Variants in RASSF8 observed in about 807,000 individuals in gnomAD.
The protein encoded by RASSF8 is ras association domain-containing protein 8.
In RASSF8, 22 loss-of-function variants were observed where a neutral mutation model predicts 48.5. The ratio of observed to expected loss-of-function variants is 0.45; its 90% CI spans 0.32 to 0.65. The LOEUF (loss-of-function observed/expected upper bound fraction) is 0.65. Among genes scored for constraint, RASSF8 ranks in the 30% least tolerant of loss-of-function variants. The pLI is 0.03. For synonymous variants in RASSF8, 127 were observed against 171.5 expected (o/e 0.74, Z 2.03); for missense variants, 418 against 489.2 (o/e 0.85, Z 1.37).
chr12:26,040,765 T>A lies in RASSF8; in HGVS notation c.-108-14471T>A, dbSNP rs150739511. The stretch of plus-strand genomic sequence containing the variant: ...TTCTTGAACTGTGGCTTTTTCCTGT[T>A]TTCTGGGCATTGAATATATTCATAT... On this transcript the variant is annotated intron_variant, in intron 2 of 5. Coordinates refer to ENST00000689635, the MANE Select transcript of RASSF8 (RefSeq NM_001394098.1). Among the ~76,000 whole-genome samples the A allele has an allele frequency of 8.8e-3, 1,334 of 152,300 alleles. 18 individuals are homozygous for A. The highest frequency in any genetic ancestry group is 0.03 in the African/African-American group (1,267 of 41,558).
At chr12:25,958,553 GC>G (rs1382323872), upstream of RASSF8, 2 of 149,008 alleles carry the variant, frequency 1.3e-5, no homozygotes, top group African/African-American at 4.9e-5. Flanking sequence ...AAACCCGAGC[GC>G]CCGGCCGAGG....
chr12:25,996,952 A>G (rs1202611891), intron 2 of RASSF8, among the ~76,000 whole-genome samples: 1 of 152,166 alleles, frequency 6.6e-6, no homozygotes, highest in Non-Finnish European at 1.5e-5. Context: ...CTGTAAAACT[A>G]TCTTAAGTTT....
At chr12:26,028,148 T>C (rs1942955582) in intron 2 of RASSF8, among the ~76,000 whole-genome samples, 1 of 152,078 alleles carries the variant, frequency 6.6e-6, no homozygotes, top group Non-Finnish European at 1.5e-5. Context: ...TTTGAGACTG[T>C]ATAAATTTAA....
intron 2 of RASSF8, among the ~76,000 whole-genome samples, chr12:26,019,484 C>T (rs988476038): frequency 9.9e-5 from 15 of 151,992 alleles, no homozygotes; most frequent in African/African-American, 3.6e-4. Context: ...AAAATCTAAA[C>T]TTTCTTATGG....
In RASSF8 at chr12:25,958,908, C is replaced by G. The variant is rs1027050218; in HGVS notation, c.-443C>G. ...CCGAGCGCTCGCGCACCGCGGCACC[C>G]CCGCCAGTGGCGTCCACACTCACCT... On this transcript the variant is annotated 5_prime_UTR_variant, in exon 1 of 6. Coordinates refer to ENST00000689635, the MANE Select transcript of RASSF8 (RefSeq NM_001394098.1). The G allele has an allele frequency of 3.3e-4, 49 of 147,282 alleles. No homozygotes were observed. The highest frequency in any genetic ancestry group is 5.8e-4 in the Non-Finnish European group (38 of 66,064). The allele number at this position is 147,282 out of a possible 1,614,324, so 9.1% of individuals were successfully genotyped here.
chr12:26,047,224 A>AT, intron 2 of RASSF8, among the ~76,000 whole-genome samples: 1 of 152,234 alleles, frequency 6.6e-6, no homozygotes, highest in East Asian at 1.9e-4. Context: ...ATGGTATATT[A>AT]TTTTTATATT....
At chr12:25,997,232 G>T (rs1942153740) in intron 2 of RASSF8, among the ~76,000 whole-genome samples, 1 of 152,118 alleles carries the variant, frequency 6.6e-6, no homozygotes, top group African/African-American at 2.4e-5. Flanking sequence ...TTCTGTTCTA[G>T]ATAGGACCGT....
chr12:25,971,732 G>GT (rs1294435059), intron 1 of RASSF8, among the ~76,000 whole-genome samples: 1 of 152,204 alleles, frequency 6.6e-6, no homozygotes, highest in East Asian at 1.9e-4. Context: ...CATTAGTAAT[G>GT]TTTGTAAAAC....
At chr12:26,046,270 G>T (rs1591796890) in intron 2 of RASSF8, among the ~76,000 whole-genome samples, 1 of 152,222 alleles carries the variant, frequency 6.6e-6, no homozygotes, top group South Asian at 2.1e-4. Flanking sequence ...TCCTAAGCCA[G>T]AATTAGTGAT....
rs1941144838 is a variant in RASSF8 at position 25,958,756 on chromosome 12, G to C, written c.-595G>C. Among the ~76,000 whole-genome samples the C allele has an allele frequency of 6.8e-6, 1 of 146,456 alleles. No homozygotes were observed. Among genetic ancestry groups the C allele is most frequent in the South Asian group, 2.1e-4 (1 of 4,800 alleles). On this transcript the variant is annotated 5_prime_UTR_variant, in exon 1 of 6. Transcript: ENST00000689635. ...CTCCTCCTACGCCCGCGCTCGTCCG[G>C]CGCCCCGCGCCGCGCCCCGCTCAGC... is the stretch of plus-strand genomic sequence containing the variant.
exon 6 of RASSF8, chr12:26,079,167 C>G (rs1944096484): frequency 2.3e-6 from 2 of 862,466 alleles, no homozygotes; most frequent in Non-Finnish European, 3.5e-6. Context: ...AAACGATCAC[C>G]AAAATGAAAA....
Position 26,067,562 on chromosome 12 carries a change from C to T in RASSF8, c.994-7C>T. 6.2e-7 allele frequency: 1 copy of T among 1,607,368 alleles called. No individual in the cohort carries two copies. The highest frequency in any genetic ancestry group is 2.3e-5 in the East Asian group (1 of 44,210). On this transcript the variant is annotated splice_region_variant and splice_polypyrimidine_tract_variant and intron_variant, in intron 4 of 5. Transcript: ENST00000689635. The stretch of plus-strand genomic sequence containing the variant: ...TCAAATTTAAAAAAATAATAATTTC[C>T]ATCTAGGACAAAGAACAGGAACTGG...
chr12:25,974,244 C>A (rs760588104), intron 1 of RASSF8, among the ~76,000 whole-genome samples: 82 of 151,646 alleles, frequency 5.4e-4, no homozygotes, highest in Admixed American at 9.2e-4. Flanking sequence ...ATCATACAAG[C>A]GGAGGAGGTG....
At position 26,068,612 on chromosome 12, in the gene RASSF8, G is replaced by C. The variant is rs1473358569; in HGVS notation, c.1139-85G>C. 16 of 1,086,348 alleles carry C rather than the reference G, an allele frequency of 1.5e-5. No homozygotes were observed. The Admixed American group carries it at 3.4e-4, about 23-fold the overall frequency. The allele number at this position is 1,086,348 out of a possible 1,614,324, so 67.3% of individuals were successfully genotyped here. On this transcript the variant is annotated intron_variant, in intron 5 of 5. Transcript: ENST00000689635. ...TTGCTCTATGCAGTTTTCCCTTTTG[G>C]GGTAGGAAGCAGTCTGATTTTTTAT...
chr12:25,961,874 C>T (rs992568752), intron 1 of RASSF8, among the ~76,000 whole-genome samples: 1 of 152,086 alleles, frequency 6.6e-6, no homozygotes, highest in Non-Finnish European at 1.5e-5. Context: ...CAAACCAGTC[C>T]ATCATAAAGT....
rs962104793 is a variant in RASSF8 at position 26,071,602 on chromosome 12, T to G, written c.*2784T>G. The G allele has an allele frequency of 4.3e-5, 42 of 985,140 alleles. No homozygotes were observed. The highest frequency in any genetic ancestry group is 4.9e-5 in the Non-Finnish European group (41 of 829,778). 61.0% of individuals were successfully genotyped at this position (985,140 alleles called of 1,614,324 possible). ...CATAGTGTCCATAGTCCCTTTCTTG[T>G]CCTTCTGAGATATTTTGGTTTGATA... On this transcript the variant is annotated 3_prime_UTR_variant, in exon 6 of 6. Coordinates refer to ENST00000689635, the MANE Select transcript of RASSF8 (RefSeq NM_001394098.1).
chr12:26,050,955 A>G (rs1032905222), intron 2 of RASSF8, among the ~76,000 whole-genome samples: 3 of 152,204 alleles, frequency 2.0e-5, no homozygotes, highest in African/African-American at 7.2e-5. Flanking sequence ...ACCAGTTTCC[A>G]GGTGATTAAA....
intron 2 of RASSF8, among the ~76,000 whole-genome samples, chr12:26,037,681 T>C (rs1592295081): frequency 6.6e-6 from 1 of 152,222 alleles, no homozygotes; most frequent in East Asian, 1.9e-4. Context: ...CAAGCAAATA[T>C]ATTTCATTGC....
At chr12:26,061,121 C>T (rs1943732948) in intron 3 of RASSF8, among the ~76,000 whole-genome samples, 1 of 152,054 alleles carries the variant, frequency 6.6e-6, no homozygotes, top group South Asian at 2.1e-4. Context: ...CAAGATGTAA[C>T]TTTTAAATCA....
Sources: allele counts gnomAD v4.1 joint callset (sites outside exome capture counted in the v4.1 genomes callset), GRCh38; gene constraint gnomAD v4.1.1; transcripts MANE v1.5; gene names NCBI Gene and HGNC (gene_info 2026-07-23, HGNC 2026-07-21).